The following TSHZ2 variants were observed in gnomAD, a reference collection of about 807,000 sequenced individuals.
TSHZ2 encodes teashirt homolog 2.
Under a neutral mutation model 74.4 loss-of-function variants are expected in TSHZ2, and 21 were observed. The ratio of observed to expected loss-of-function variants is 0.28; its 90% CI spans 0.20 to 0.41. The LOEUF (loss-of-function observed/expected upper bound fraction) is 0.41. Among genes scored for constraint, TSHZ2 ranks in the 10% least tolerant of loss-of-function variants. TSHZ2 has a pLI of 1.00. For missense variants in TSHZ2, 1,244 were observed against 1,293.5 expected (o/e 0.96, Z 0.59); for synonymous variants, 540 against 515.3 (o/e 1.05, Z -0.65).
intron 2 of TSHZ2, among the ~76,000 whole-genome samples, chr20:53,434,116 C>A (rs1217684592): frequency 6.6e-6 from 1 of 152,124 alleles, no homozygotes; most frequent in African/African-American, 2.4e-5. Context: ...GGTGATTTGC[C>A]TACTCGGCCT....
At chr20:52,993,505 A>G (rs193090039) in intron 1 of TSHZ2, among the ~76,000 whole-genome samples, 3 of 152,328 alleles carry the variant, frequency 2.0e-5, no homozygotes, top group Non-Finnish European at 4.4e-5. Flanking sequence ...CCCCTCCACA[A>G]GAAAAGTTCT....
intron 2 of TSHZ2, among the ~76,000 whole-genome samples, chr20:53,452,464 G>C (rs948180967): frequency 6.6e-6 from 1 of 152,106 alleles, no homozygotes; most frequent in Non-Finnish European, 1.5e-5. Context: ...GCTGGGCATG[G>C]TAAAGTGTAC....
At chr20:53,107,260 C>T (rs1600693701) in intron 1 of TSHZ2, among the ~76,000 whole-genome samples, 1 of 152,174 alleles carries the variant, frequency 6.6e-6, no homozygotes, top group African/African-American at 2.4e-5. Flanking sequence ...CTGGAGCTAT[C>T]CTGAGCTTAA....
chr20:53,385,878 G>A (rs1982025575), intron 2 of TSHZ2, among the ~76,000 whole-genome samples: 1 of 152,226 alleles, frequency 6.6e-6, no homozygotes, highest in Admixed American at 6.5e-5. Flanking sequence ...CAAAGCAGGA[G>A]AGTGGCCCAG....
intron 1 of TSHZ2, among the ~76,000 whole-genome samples, chr20:52,983,624 AAT>A (rs1981647501): frequency 6.6e-6 from 1 of 152,262 alleles, no homozygotes; most frequent in Non-Finnish European, 1.5e-5. Flanking sequence ...CTGTTCTTAG[AAT>A]ATGTTTCAAA....
intron 1 of TSHZ2, among the ~76,000 whole-genome samples, chr20:53,082,030 C>T (rs1217463976): frequency 2.6e-5 from 4 of 152,002 alleles, no homozygotes; most frequent in Admixed American, 2.6e-4. Flanking sequence ...CCCAAGGTCA[C>T]CCGTCACTGA....
At position 53,256,485 on chromosome 20, in the gene TSHZ2, A is replaced by G; in HGVS notation, c.3027A>G (p.Val1009=). The change falls in exon 2 of 3, where the codon GTA becomes GTG. Residue 1009 remains valine, a synonymous_variant. Coordinates refer to ENST00000371497, the MANE Select transcript of TSHZ2 (RefSeq NM_173485.6). The surrounding 1 kb of genome is among the most constrained non-coding windows in gnomAD (Gnocchi z 4.3). ...CCRTFVSKHA[V]KLHLSKTHSK... is the part of the protein sequence containing the mutation. ...GGACATTTGTGAGCAAACATGCGGT[A>G]AAACTCCACCTAAGCAAAACGCACA... The G allele has an allele frequency of 1.9e-6, 3 of 1,613,934 alleles. No homozygotes were observed. The highest frequency in any genetic ancestry group is 1.7e-6 in the Non-Finnish European group (2 of 1,179,808).
intron 1 of TSHZ2, among the ~76,000 whole-genome samples, chr20:53,169,034 TA>T (rs1305359542): frequency 4.6e-5 from 7 of 152,208 alleles, no homozygotes; most frequent in Non-Finnish European, 7.3e-5. Context: ...GCATCAGAAT[TA>T]CAGACTCCTC....
At chr20:53,137,563 C>G (rs1568777296) in intron 1 of TSHZ2, among the ~76,000 whole-genome samples, 1 of 152,174 alleles carries the variant, frequency 6.6e-6, no homozygotes, top group Non-Finnish European at 1.5e-5. Context: ...CCCATCAAAT[C>G]TGCCGCTAAA....
intron 2 of TSHZ2, among the ~76,000 whole-genome samples, chr20:53,334,972 A>C (rs1038934983): frequency 6.6e-6 from 1 of 152,148 alleles, no homozygotes; most frequent in Non-Finnish European, 1.5e-5. Flanking sequence ...GTGAGCCACC[A>C]CGCCCAGCCA....
chr20:53,404,269 T>C (rs1982769177), intron 2 of TSHZ2, among the ~76,000 whole-genome samples: 1 of 152,212 alleles, frequency 6.6e-6, no homozygotes, highest in Non-Finnish European at 1.5e-5. Context: ...GACCTTATAT[T>C]CACCTAAGAT....
intron 2 of TSHZ2, among the ~76,000 whole-genome samples, chr20:53,327,675 G>A (rs1370201073): frequency 6.6e-6 from 1 of 152,168 alleles, no homozygotes; most frequent in Non-Finnish European, 1.5e-5. Context: ...ACTGAGCTAG[G>A]GCTGGGAAAT....
intron 2 of TSHZ2, among the ~76,000 whole-genome samples, chr20:53,386,741 C>T (rs996927010): frequency 2.0e-5 from 3 of 152,090 alleles, no homozygotes; most frequent in Admixed American, 6.6e-5. Context: ...GAAACAGAGG[C>T]CTGCTCCCAG....
intron 1 of TSHZ2, among the ~76,000 whole-genome samples, chr20:53,128,480 A>AT (rs1365562810): frequency 6.6e-6 from 1 of 152,198 alleles, no homozygotes; most frequent in Non-Finnish European, 1.5e-5. Context: ...GCTATAAAAC[A>AT]TTGGTAGTAT....
chr20:53,305,061 A>G (rs569692414), intron 2 of TSHZ2, among the ~76,000 whole-genome samples: 199 of 150,690 alleles, frequency 1.3e-3, no homozygotes, highest in Middle Eastern at 3.5e-3. Context: ...TCAGCCTCCC[A>G]AGTAGCTGGG....
chr20:53,006,091 C>T (rs188960586), intron 1 of TSHZ2, among the ~76,000 whole-genome samples: 147 of 152,238 alleles, frequency 9.7e-4, no homozygotes, highest in African/African-American at 3.3e-3. Flanking sequence ...CATTCACTTA[C>T]GAGCCTAAAG....
At chr20:52,980,901 C>T (rs546455708) in intron 1 of TSHZ2, among the ~76,000 whole-genome samples, 1 of 152,072 alleles carries the variant, frequency 6.6e-6, no homozygotes, top group Admixed American at 6.5e-5. Flanking sequence ...TTTATCAGAT[C>T]CTTGGAATTT....
rs191920357 is a variant in TSHZ2 at position 53,087,872 on chromosome 20, A to G, written c.40+114539A>G. Among the ~76,000 whole-genome samples the G allele has an allele frequency of 2.3e-3, 353 of 152,326 alleles. 2 individuals are homozygous for G. The highest frequency in any genetic ancestry group is 8.2e-3 in the African/African-American group (341 of 41,580). ...CTTGACCAGAGACTTTGTATCTGCC[A>G]TATTGGTAATTGGCCACCTTGGTGA... On this transcript the variant is annotated intron_variant, in intron 1 of 2. Transcript: ENST00000371497.
At chr20:53,284,141 C>T (rs189153288) in intron 2 of TSHZ2, among the ~76,000 whole-genome samples, 15 of 152,296 alleles carry the variant, frequency 9.8e-5, no homozygotes, top group African/African-American at 2.6e-4. Context: ...CCTCGAACAA[C>T]GTGAAATGTG....
Sources: allele counts gnomAD v4.1 joint callset (sites outside exome capture counted in the v4.1 genomes callset), GRCh38; gene constraint gnomAD v4.1.1; non-coding constraint Gnocchi (gnomAD v3.1); transcripts MANE v1.5; gene names NCBI Gene and HGNC (gene_info 2026-07-23, HGNC 2026-07-21).